The following WDR93 variants were observed in gnomAD, a reference collection of about 807,000 sequenced individuals.
WDR93 encodes the protein WD repeat-containing protein 93.
A neutral mutation model predicts 82.9 loss-of-function variants in WDR93; 73 were observed. The ratio of observed to expected loss-of-function variants is 0.88; its 90% CI spans 0.73 to 1.07. The LOEUF is 1.07. WDR93 is among the 50% of genes least tolerant of loss of function. The probability of loss-of-function intolerance (pLI) is 0.00; values close to 1 mark genes in which losing one functional copy is unlikely to be tolerated. For synonymous variants in WDR93, 283 were observed against 300.1 expected (o/e 0.94, Z 0.59); for missense variants, 738 against 826.0 (o/e 0.89, Z 1.31).
chr15:89,714,835 C>T (rs551189071), intron 5 of WDR93, 145 bp from the exon 6 acceptor site: 47 of 630,202 alleles, frequency 7.5e-5, no homozygotes, highest in Non-Finnish European at 1.2e-4. Flanking sequence ...TGCAGAACTA[C>T]TTCTCCTTCA....
Position 89,691,000 on chromosome 15 carries a change from C to G in WDR93, c.-41+143C>G, listed in dbSNP as rs577350409. 36 of 189,642 alleles carry G rather than the reference C, an allele frequency of 1.9e-4. 1 individual carries two copies. The East Asian group carries it at 5.1e-3, about 27-fold the overall frequency. 11.7% of individuals were successfully genotyped at this position (189,642 alleles called of 1,614,324 possible). ...GCGTTTCCGGATGCCTGACGCCTCC[C>G]CGCAGATCTCAGGTTCTCAGGAACC... On this transcript the variant is annotated intron_variant, in intron 1 of 16. Transcript: ENST00000268130.
At position 89,743,326 on chromosome 15, in the gene WDR93, G is replaced by A; in HGVS notation, c.1996G>A (p.Glu666Lys). 6.2e-7 allele frequency: 1 copy of A among 1,614,210 alleles called. No homozygotes were observed. Among genetic ancestry groups the A allele is most frequent in the Non-Finnish European group, 8.5e-7 (1 of 1,180,036 alleles). ...RKLEKNPEKE[E>K]EHWARLQRYS... ...GCTGGAGAAGAACCCAGAGAAGGAG[G>A]AGGAGCACTGGGCCCGGCTTCAGAG... Residue 666 changes from glutamate (E) to lysine (K), a missense_variant, in exon 17 of 17, where the codon GAG becomes AAG. Physicochemically the swap from Glu to Lys is moderately conservative, Grantham distance 56 (BLOSUM62 1). Coordinates refer to ENST00000268130, the MANE Select transcript of WDR93 (RefSeq NM_020212.2).
At chr15:89,707,903 A>G (rs1248515804) in intron 4 of WDR93, among the ~76,000 whole-genome samples, 2 of 152,366 alleles carry the variant, frequency 1.3e-5, no homozygotes, top group Middle Eastern at 6.8e-3. Context: ...ATGTCCATCA[A>G]CAGGTGAATG....
intron 1 of WDR93, among the ~76,000 whole-genome samples, chr15:89,691,568 A>G (rs1364025666): frequency 6.6e-6 from 1 of 152,056 alleles, no homozygotes; most frequent in African/African-American, 2.4e-5. Flanking sequence ...AAATACAAAA[A>G]AAGTAGCCGG....
intron 16 of WDR93, 102 bp from the exon 17 acceptor site, chr15:89,743,190 G>C: frequency 1.7e-6 from 2 of 1,143,980 alleles, no homozygotes; most frequent in Non-Finnish European, 2.6e-6. Flanking sequence ...TGTCCTCTTA[G>C]AGTTTCTCAT....
At chr15:89,722,278 A>T in intron 8 of WDR93, 139 bp downstream of exon 8, 1 of 669,538 alleles carries the variant, frequency 1.5e-6, no homozygotes, top group Middle Eastern at 3.1e-4. Context: ...TTTTTTTTAA[A>T]CCCATAAGCT....
intron 12 of WDR93, 84 bp from the exon 13 acceptor site, chr15:89,732,922 C>T: frequency 7.7e-7 from 1 of 1,299,938 alleles, no homozygotes; most frequent in Admixed American, 1.7e-5. Context: ...AAGTCCCTCA[C>T]ACACTTGCTG....
At chr15:89,737,945 A>G (rs1596129264) in intron 15 of WDR93, 96 bp from the exon 16 acceptor site, 1 of 1,408,028 alleles carries the variant, frequency 7.1e-7, no homozygotes, top group Non-Finnish European at 9.6e-7. Context: ...CCCAGCCTTT[A>G]TAAGCAGAGA....
chr15:89,725,499 G>A (rs1327616336), intron 8 of WDR93, among the ~76,000 whole-genome samples: 1 of 151,620 alleles, frequency 6.6e-6, no homozygotes, highest in East Asian at 1.9e-4. Context: ...ATTGTGATTA[G>A]AAAGGGGCCC....
intron 7 of WDR93, among the ~76,000 whole-genome samples, chr15:89,719,306 T>C (rs1209610278): frequency 6.6e-6 from 1 of 152,246 alleles, no homozygotes; most frequent in African/African-American, 2.4e-5. Flanking sequence ...GCATTATTTC[T>C]TCTTAAAATG....
Position 89,732,993 on chromosome 15 carries a change from T to A in WDR93, c.1331-13T>A, listed in dbSNP as rs1381593042. The A allele has an allele frequency of 2.5e-6, 4 of 1,613,412 alleles. No homozygotes were observed. The Admixed American group carries it at 6.7e-5, about 27-fold the overall frequency. On this transcript the variant is annotated splice_polypyrimidine_tract_variant and intron_variant, in intron 12 of 16. Transcript: ENST00000268130. ...CCCGTTTTCTGACCGGCTTGTGTGA[T>A]TACTTTCTCTAGGATTCCCTCTTGG... is the stretch of plus-strand genomic sequence containing the variant.
intron 3 of WDR93, 98 bp downstream of exon 3, chr15:89,703,240 G>A: frequency 7.7e-7 from 1 of 1,292,150 alleles, no homozygotes; most frequent in Non-Finnish European, 1.1e-6. Context: ...GCCAGGCATG[G>A]AGACTTCTCC....
At chr15:89,719,280 A>T (rs1179834303) in intron 7 of WDR93, among the ~76,000 whole-genome samples, 1 of 152,174 alleles carries the variant, frequency 6.6e-6, no homozygotes, top group Admixed American at 6.5e-5. Context: ...ATAGAAAAAC[A>T]TGTTGCTCAG....
At chr15:89,690,527 G>C (rs1329704107), upstream of WDR93, 5 of 1,422,640 alleles carry the variant, frequency 3.5e-6, no homozygotes, top group African/African-American at 2.8e-5. Context: ...ATAGGCACGG[G>C]AGCCGAGTTA....
intron 4 of WDR93, 65 bp from the exon 5 acceptor site, chr15:89,711,961 G>T (rs2141627132): frequency 7.6e-7 from 1 of 1,321,244 alleles, no homozygotes; most frequent in Non-Finnish European, 1.1e-6. Flanking sequence ...GACCACAGAA[G>T]GTCCTGAAAT....
At chr15:89,736,298 T>C (rs78265393) in intron 14 of WDR93, among the ~76,000 whole-genome samples, 2,073 of 152,202 alleles carry the variant, frequency 0.014, 47 homozygotes, top group African/African-American at 0.048. Context: ...ACTTCAGGCC[T>C]GGAGAGAAAG....
At chr15:89,711,098 G>T (rs2141624503) in intron 4 of WDR93, among the ~76,000 whole-genome samples, 1 of 152,258 alleles carries the variant, frequency 6.6e-6, no homozygotes, top group Non-Finnish European at 1.5e-5. Flanking sequence ...CTAAAAGAGA[G>T]ACAACCAGCT....
At chr15:89,741,390 G>A (rs1419361313) in intron 16 of WDR93, among the ~76,000 whole-genome samples, 1 of 152,066 alleles carries the variant, frequency 6.6e-6, no homozygotes, top group Admixed American at 6.6e-5. Context: ...ACCACACCCA[G>A]CTAATTTTTT....
At chr15:89,690,671 G>A, upstream of WDR93, 1 of 1,501,660 alleles carries the variant, frequency 6.7e-7, no homozygotes, top group Non-Finnish European at 9.1e-7. Flanking sequence ...ACGGGGCTCA[G>A]GCGTGGGTCC....
Sources: allele counts gnomAD v4.1 joint callset (sites outside exome capture counted in the v4.1 genomes callset), GRCh38; gene constraint gnomAD v4.1.1; transcripts MANE v1.5; gene names NCBI Gene and HGNC (gene_info 2026-07-23, HGNC 2026-07-21).